Variants in ANGPT1 observed in about 807,000 individuals in gnomAD.
ANGPT1 encodes the protein angiopoietin 1.
A neutral mutation model predicts 62.2 loss-of-function variants in ANGPT1; 17 were observed. That is an observed-to-expected ratio of 0.27 (90% CI 0.19 to 0.41). The LOEUF is 0.41. ANGPT1 is among the 10% of genes least tolerant of loss of function. ANGPT1 has a pLI of 1.00. For missense variants in ANGPT1, 478 were observed against 594.9 expected (o/e 0.80, Z 2.04); for synonymous variants, 199 against 198.9 (o/e 1.00, Z 0.00).
chr8:107,282,864 C>A (rs1400156641), intron 7 of ANGPT1, among the ~76,000 whole-genome samples: 1 of 151,810 alleles, frequency 6.6e-6, no homozygotes, highest in Non-Finnish European at 1.5e-5. Context: ...GGTGAGTACT[C>A]CTTCCTCATG....
rs139348949 is a variant in ANGPT1 at position 107,254,561 on chromosome 8, A to G, written c.1337-2546T>C. Among the ~76,000 whole-genome samples, 776 of 152,250 alleles carry G rather than the reference A, an allele frequency of 5.1e-3. 6 individuals carry two copies. The highest frequency in any genetic ancestry group is 0.02 in the East Asian group (105 of 5,154). ...GAAGGAGAATAACTTGACTTTTCAC[A>G]TTTGTGAAAGAAGCTGATATTTAAC... On this transcript the variant is annotated intron_variant, in intron 8 of 8. Coordinates refer to ENST00000517746, the MANE Select transcript of ANGPT1 (RefSeq NM_001146.5).
intron 1 of ANGPT1, among the ~76,000 whole-genome samples, chr8:107,450,255 T>C (rs1438795224): frequency 2.0e-5 from 3 of 152,072 alleles, no homozygotes; most frequent in Non-Finnish European, 4.4e-5. Flanking sequence ...TTACTTCTTG[T>C]TAACAAACAC....
chr8:107,341,552 A>G (rs1210919772), intron 2 of ANGPT1, among the ~76,000 whole-genome samples: 1 of 148,766 alleles, frequency 6.7e-6, no homozygotes, highest in Non-Finnish European at 1.5e-5. Context: ...TATATAATTA[A>G]TATTATATAA....
intron 8 of ANGPT1, among the ~76,000 whole-genome samples, chr8:107,257,926 T>TTCTCTCTCTCTC (rs142506893): frequency 2.0e-4 from 24 of 122,010 alleles, no homozygotes; most frequent in African/African-American, 7.0e-4. Context: ...TGTTCTTTCT[T>TTCTCTCTCTCTC]TCTCTCTCTC....
chr8:107,373,600 C>G (rs1297436968), intron 1 of ANGPT1, among the ~76,000 whole-genome samples: 3 of 152,166 alleles, frequency 2.0e-5, no homozygotes, highest in Non-Finnish European at 4.4e-5. Flanking sequence ...CTATTTACCA[C>G]TTGAGCCTGA....
At chr8:107,457,007 GA>G (rs1811937936) in intron 1 of ANGPT1, among the ~76,000 whole-genome samples, 1 of 151,974 alleles carries the variant, frequency 6.6e-6, no homozygotes, top group Non-Finnish European at 1.5e-5. Context: ...TGAGCCAATA[GA>G]AGATGTGTCA....
chr8:107,354,818 G>T (rs998037681), intron 1 of ANGPT1, among the ~76,000 whole-genome samples: 11 of 151,844 alleles, frequency 7.2e-5, no homozygotes, highest in African/African-American at 2.7e-4. Context: ...ACAGTGAACG[G>T]CACCATTACC....
chr8:107,477,057 C>T (rs956537519), intron 1 of ANGPT1, among the ~76,000 whole-genome samples: 16 of 152,076 alleles, frequency 1.1e-4, no homozygotes, highest in Admixed American at 2.0e-4. Context: ...AATCCAAACC[C>T]GTTGTTTCAC....
At chr8:107,345,272 T>C (rs993733350) in intron 2 of ANGPT1, among the ~76,000 whole-genome samples, 1 of 152,114 alleles carries the variant, frequency 6.6e-6, no homozygotes, top group African/African-American at 2.4e-5. Context: ...GTATAAGGAG[T>C]AGTTATTCTT....
At chr8:107,364,639 C>T (rs1260873388) in intron 1 of ANGPT1, among the ~76,000 whole-genome samples, 1 of 152,170 alleles carries the variant, frequency 6.6e-6, no homozygotes, top group Non-Finnish European at 1.5e-5. Context: ...TGCACTCACA[C>T]CAGAGAATCC....
chr8:107,345,272 T>G (rs993733350), intron 2 of ANGPT1, among the ~76,000 whole-genome samples: 2 of 152,114 alleles, frequency 1.3e-5, no homozygotes, highest in Non-Finnish European at 2.9e-5. Context: ...GTATAAGGAG[T>G]AGTTATTCTT....
Position 107,347,200 on chromosome 8 carries a change from G to T in ANGPT1, c.298-103C>A, listed in dbSNP as rs1815825292. 3 of 1,205,476 alleles carry T rather than the reference G, an allele frequency of 2.5e-6. No homozygotes were observed. The Admixed American group carries it at 6.3e-5, about 25-fold the overall frequency. 74.7% of individuals were successfully genotyped at this position (1,205,476 alleles called of 1,614,324 possible). On this transcript the variant is annotated intron_variant, in intron 1 of 8. Transcript: ENST00000517746. ...AAAACAAGACACCGCTGGCAAATCA[G>T]CCATCTGGCGGGGATCCTCTACATC...
At chr8:107,254,716 T>C (rs1450384861) in intron 8 of ANGPT1, among the ~76,000 whole-genome samples, 1 of 151,952 alleles carries the variant, frequency 6.6e-6, no homozygotes. Context: ...GTGCAACTGG[T>C]GCACAGTAAA....
chr8:107,266,622 ACT>A (rs1813619845), intron 7 of ANGPT1, among the ~76,000 whole-genome samples: 1 of 151,966 alleles, frequency 6.6e-6, no homozygotes, highest in South Asian at 2.1e-4. Context: ...GGCAATTTTA[ACT>A]CTGATTTTTT....
chr8:107,261,949 CT>C (rs1046333007), intron 8 of ANGPT1, among the ~76,000 whole-genome samples: 6 of 151,754 alleles, frequency 4.0e-5, no homozygotes, highest in Non-Finnish European at 8.8e-5. Flanking sequence ...AATCCCAGCA[CT>C]TTGGGAGGCT....
intron 1 of ANGPT1, among the ~76,000 whole-genome samples, chr8:107,425,622 C>T (rs1037587526): frequency 1.3e-5 from 2 of 152,120 alleles, no homozygotes; most frequent in Non-Finnish European, 2.9e-5. Context: ...AACTAAATCC[C>T]TTGACACATC....
At chr8:107,279,206 AAATTT>A (rs1343297629) in intron 7 of ANGPT1, among the ~76,000 whole-genome samples, 3 of 152,326 alleles carry the variant, frequency 2.0e-5, no homozygotes, top group African/African-American at 7.2e-5. Flanking sequence ...TAGAGAGATC[AAATTT>A]AATTTTTTAT....
rs140893555 is a variant in ANGPT1 at position 107,412,148 on chromosome 8, C to T, written c.298-65051G>A. 1.9e-3 allele frequency among the ~76,000 whole-genome samples: 289 copies of T among 152,158 alleles called. 1 individual carries two copies. The highest frequency in any genetic ancestry group is 6.3e-3 in the African/African-American group (263 of 41,518). ...TGCAAAATAGCCCAAGATTGAGAAC[C>T]GCTACTGTAGGAGAAAGGCTCTCTA... On this transcript the variant is annotated intron_variant, in intron 1 of 8. Coordinates refer to ENST00000517746, the MANE Select transcript of ANGPT1 (RefSeq NM_001146.5).
At chr8:107,350,699 T>G (rs568457746) in intron 1 of ANGPT1, among the ~76,000 whole-genome samples, 7 of 152,186 alleles carry the variant, frequency 4.6e-5, no homozygotes, top group Admixed American at 3.9e-4. Context: ...ATAGCTCTAG[T>G]TAATTATTTT....
Sources: allele counts gnomAD v4.1 joint callset (sites outside exome capture counted in the v4.1 genomes callset), GRCh38; gene constraint gnomAD v4.1.1; transcripts MANE v1.5; gene names NCBI Gene and HGNC (gene_info 2026-07-23, HGNC 2026-07-21).